The following ASIC2 variants were observed in gnomAD, a reference collection of about 807,000 sequenced individuals.
The protein encoded by ASIC2 is acid-sensing ion channel 2.
ASIC2 carries 25 observed loss-of-function variants against 57.3 expected under a neutral mutation model. That is an observed-to-expected ratio of 0.44 (90% CI 0.32 to 0.61). The LOEUF (loss-of-function observed/expected upper bound fraction) is 0.61, where lower values mean the gene tolerates loss of function less well. Among genes scored for constraint, ASIC2 ranks in the 20% least tolerant of loss-of-function variants. The pLI is 0.06. For missense variants in ASIC2, 641 were observed against 738.1 expected (o/e 0.87, Z 1.52); for synonymous variants, 319 against 307.5 (o/e 1.04, Z -0.39).
At chr17:33,456,840 CA>C (rs1173073419) in intron 1 of ASIC2, among the ~76,000 whole-genome samples, 3 of 152,192 alleles carry the variant, frequency 2.0e-5, no homozygotes, top group African/African-American at 7.2e-5. Context: ...GTGATATAAA[CA>C]GGCCTGAGTT....
Position 34,038,394 on chromosome 17 carries a change from G to A in ASIC2, c.555+117584C>T, listed in dbSNP as rs1597987547. ...GGATGGTCCAGCTCTTTATGAATCCGGTATTCCCTACATGCATGCTTGTGG... is the reference window on the plus strand; with the variant it reads ...GGATGGTCCAGCTCTTTATGAATCCAGTATTCCCTACATGCATGCTTGTGG... On this transcript the variant is annotated intron_variant, in intron 1 of 9. Transcript: ENST00000359872. 6.2e-6 allele frequency: 10 copies of A among 1,611,774 alleles called. No homozygotes were observed. The East Asian group carries it at 6.7e-5, about 11-fold the overall frequency.
intron 1 of ASIC2, among the ~76,000 whole-genome samples, chr17:34,084,701 A>G (rs888025925): frequency 6.6e-5 from 10 of 152,036 alleles, no homozygotes; most frequent in Admixed American, 1.3e-4. Context: ...ATTTGTTTGT[A>G]TCCTCTTTTA....
At chr17:34,153,295 TAAAG>T (rs1051542509) in intron 1 of ASIC2, among the ~76,000 whole-genome samples, 1 of 152,088 alleles carries the variant, frequency 6.6e-6, no homozygotes, top group African/African-American at 2.4e-5. Flanking sequence ...CCACCGCACT[TAAAG>T]AAAGAAGTCA....
At chr17:33,442,450 A>G (rs924827243) in intron 1 of ASIC2, among the ~76,000 whole-genome samples, 3 of 152,110 alleles carry the variant, frequency 2.0e-5, no homozygotes, top group African/African-American at 7.2e-5. Flanking sequence ...GCAATGTTTT[A>G]TAGTTTTCAG....
chr17:34,097,434 AACAG>A (rs1475739945), intron 1 of ASIC2, among the ~76,000 whole-genome samples: 3 of 152,156 alleles, frequency 2.0e-5, no homozygotes, highest in African/African-American at 4.8e-5. Flanking sequence ...AGTCCCCCAA[AACAG>A]ACAGGTTGAA....
At chr17:33,700,481 T>A (rs1433858427) in intron 1 of ASIC2, among the ~76,000 whole-genome samples, 1 of 152,018 alleles carries the variant, frequency 6.6e-6, no homozygotes, top group Non-Finnish European at 1.5e-5. Flanking sequence ...AGCAAGACAC[T>A]GTAATTGAGG....
chr17:33,131,125 G>A (rs924935194), intron 1 of ASIC2, among the ~76,000 whole-genome samples: 5 of 152,136 alleles, frequency 3.3e-5, no homozygotes, highest in Admixed American at 3.3e-4. Context: ...AAGGGGAGAC[G>A]AGCCCATGCA....
In ASIC2 at chr17:34,105,770, G is replaced by A. The variant is rs569847491; in HGVS notation, c.555+50208C>T. On this transcript the variant is annotated intron_variant, in intron 1 of 9. Coordinates refer to the ASIC2 transcript ENST00000359872. ...TCTTGCTCGTTCTTACTATGTATAT[G>A]TGTGGGTGTATTTTCTGAAACATCT... Among the ~76,000 whole-genome samples, 3 of 152,098 alleles carry A rather than the reference G, an allele frequency of 2.0e-5. No individual in the cohort carries two copies. In the South Asian group the frequency reaches 6.2e-4, roughly 32 times the overall value.
chr17:33,968,912 G>A (rs867545468), intron 1 of ASIC2, among the ~76,000 whole-genome samples: 55 of 152,358 alleles, frequency 3.6e-4, no homozygotes, highest in African/African-American at 1.2e-3. Flanking sequence ...GTGACAGGTG[G>A]TGAAGGGTGG....
intron 1 of ASIC2, among the ~76,000 whole-genome samples, chr17:33,889,674 T>G (rs1203256287): frequency 1.3e-5 from 2 of 152,202 alleles, no homozygotes; most frequent in Non-Finnish European, 2.9e-5. Flanking sequence ...ACACCTGTCC[T>G]TAAAATCTTC....
intron 1 of ASIC2, among the ~76,000 whole-genome samples, chr17:33,232,944 G>C (rs763193432): frequency 3.9e-5 from 6 of 152,116 alleles, no homozygotes; most frequent in Non-Finnish European, 7.4e-5. Context: ...GGCACCAAGA[G>C]ATGCCCACCC....
chr17:33,330,474 C>T (rs781464639), intron 1 of ASIC2, among the ~76,000 whole-genome samples: 21 of 152,268 alleles, frequency 1.4e-4, no homozygotes, highest in African/African-American at 5.1e-4. Flanking sequence ...ACATTCACCA[C>T]GATGAGTCCT....
chr17:33,776,348 A>G (rs561189777), intron 1 of ASIC2, among the ~76,000 whole-genome samples: 1 of 152,146 alleles, frequency 6.6e-6, no homozygotes, highest in Non-Finnish European at 1.5e-5. Flanking sequence ...TTACAGCAAA[A>G]AAATGGCAGC....
intron 1 of ASIC2, among the ~76,000 whole-genome samples, chr17:33,928,288 C>T (rs1021129221): frequency 1.3e-5 from 2 of 152,198 alleles, no homozygotes; most frequent in African/African-American, 2.4e-5. Context: ...GACAGTTGTG[C>T]CTCTTCCCAC....
At chr17:33,386,838 A>T (rs1909699482) in intron 1 of ASIC2, among the ~76,000 whole-genome samples, 1 of 152,210 alleles carries the variant, frequency 6.6e-6, no homozygotes, top group South Asian at 2.1e-4. Flanking sequence ...CCTCCAACAC[A>T]TCAAGTTGCT....
chr17:34,026,520 G>C (rs1907385383), intron 1 of ASIC2, among the ~76,000 whole-genome samples: 1 of 152,090 alleles, frequency 6.6e-6, no homozygotes, highest in Admixed American at 6.5e-5. Context: ...AAGCTGAAAA[G>C]GTTTCCAAAA....
In ASIC2 at chr17:33,567,166, C is replaced by CT. The variant is rs573411884; in HGVS notation, c.556-455100dup. 2.8e-4 allele frequency among the ~76,000 whole-genome samples: 43 copies of CT among 151,354 alleles called. No homozygotes were observed. The South Asian group carries it at 9.0e-3, about 32-fold the overall frequency. ...AGGATTGGGGTGGCTGTGGTGGCTG[C>CT]TTTAGTGAGGGCCATTGGGGAAGTC... On this transcript the variant is annotated intron_variant, in intron 1 of 9. Transcript: ENST00000359872.
chr17:33,388,523 C>T (rs764898918), intron 1 of ASIC2, among the ~76,000 whole-genome samples: 1 of 152,194 alleles, frequency 6.6e-6, no homozygotes, highest in Non-Finnish European at 1.5e-5. Flanking sequence ...CCCTCTACCC[C>T]ACTTCTCATG....
At chr17:33,278,335 G>T (rs963391833) in intron 1 of ASIC2, among the ~76,000 whole-genome samples, 1 of 151,886 alleles carries the variant, frequency 6.6e-6, no homozygotes, top group Non-Finnish European at 1.5e-5. Context: ...TCACCTGGGG[G>T]TGTCTGTTAA....
Sources: allele counts gnomAD v4.1 joint callset (sites outside exome capture counted in the v4.1 genomes callset), GRCh38; gene constraint gnomAD v4.1.1; transcripts MANE v1.5; gene names NCBI Gene and HGNC (gene_info 2026-07-23, HGNC 2026-07-21).